GULP1: variants seen among roughly 807,000 people sequenced by gnomAD.
GULP1 encodes the protein GULP PTB domain containing engulfment adaptor 1, also known as PTB domain-containing engulfment adapter protein 1.
In GULP1, 19 loss-of-function variants were observed where a neutral mutation model predicts 40.9. That is an observed-to-expected ratio of 0.46 (90% CI 0.32 to 0.68). The LOEUF (loss-of-function observed/expected upper bound fraction) is 0.68. Among genes scored for constraint, GULP1 ranks in the 30% least tolerant of loss-of-function variants. GULP1 has a pLI of 0.03. For missense variants in GULP1, 312 were observed against 362.2 expected, an observed-to-expected ratio of 0.86 and a Z score of 1.12; for synonymous variants, 119 against 117.6, an observed-to-expected ratio of 1.01 and a Z score of -0.08.
chr2:188,371,059 T>G (rs1355502782), intron 1 of GULP1, among the ~76,000 whole-genome samples: 2 of 152,184 alleles, frequency 1.3e-5, no homozygotes, highest in African/African-American at 2.4e-5. Flanking sequence ...AGACATACAG[T>G]AAGTCCGTGG....
intron 2 of GULP1, among the ~76,000 whole-genome samples, chr2:188,409,822 A>G (rs776627941): frequency 2.6e-5 from 4 of 152,220 alleles, no homozygotes; most frequent in Non-Finnish European, 4.4e-5. Context: ...GCATGTAATA[A>G]TGTAATATAA....
chr2:188,432,909 A>T (rs1411208023), intron 2 of GULP1, among the ~76,000 whole-genome samples: 1 of 152,088 alleles, frequency 6.6e-6, no homozygotes, highest in Non-Finnish European at 1.5e-5. Flanking sequence ...AAACACAAAG[A>T]TCATATTGCT....
At chr2:188,358,603 T>C (rs1472472106) in intron 1 of GULP1, among the ~76,000 whole-genome samples, 4 of 152,064 alleles carry the variant, frequency 2.6e-5, no homozygotes, top group African/African-American at 9.7e-5. Context: ...AATAGCACAT[T>C]GCACCCCATA....
chr2:188,407,972 A>G (rs1391246784), intron 2 of GULP1, among the ~76,000 whole-genome samples: 1 of 152,246 alleles, frequency 6.6e-6, no homozygotes, highest in East Asian at 1.9e-4. Context: ...GTAAATGGAA[A>G]CCAAAAGAGA....
At chr2:188,442,305 G>T (rs964688063) in intron 2 of GULP1, among the ~76,000 whole-genome samples, 1 of 152,016 alleles carries the variant, frequency 6.6e-6, no homozygotes, top group Non-Finnish European at 1.5e-5. Flanking sequence ...TTTTAGTCAC[G>T]CCAGTAAATG....
chr2:188,399,176 A>T (rs2152613034), intron 2 of GULP1, among the ~76,000 whole-genome samples: 1 of 152,328 alleles, frequency 6.6e-6, no homozygotes, highest in African/African-American at 2.4e-5. Context: ...GAAAGGATAT[A>T]ACTTAGCACA....
intron 2 of GULP1, among the ~76,000 whole-genome samples, chr2:188,399,447 G>A (rs1164691784): frequency 2.0e-5 from 3 of 152,058 alleles, no homozygotes; most frequent in African/African-American, 7.2e-5. Context: ...TACTAGGAGA[G>A]AGTAGGTCCC....
At chr2:188,371,213 G>A (rs1008651434) in intron 1 of GULP1, among the ~76,000 whole-genome samples, 3 of 151,866 alleles carry the variant, frequency 2.0e-5, no homozygotes, top group South Asian at 4.2e-4. Flanking sequence ...TCTGAAGCAG[G>A]GTTTCTTGGC....
intron 2 of GULP1, among the ~76,000 whole-genome samples, chr2:188,398,766 A>C (rs905585527): frequency 3.9e-5 from 6 of 152,212 alleles, no homozygotes; most frequent in African/African-American, 7.2e-5. Flanking sequence ...AAAATGGCTT[A>C]ATTTGCTTTT....
At chr2:188,296,676 T>A (rs2035022338) in intron 1 of GULP1, among the ~76,000 whole-genome samples, 1 of 152,124 alleles carries the variant, frequency 6.6e-6, no homozygotes, top group Admixed American at 6.5e-5. Context: ...TTGTGCTAAA[T>A]TGCAAAGATT....
intron 2 of GULP1, among the ~76,000 whole-genome samples, chr2:188,429,872 G>A (rs1237140044): frequency 2.0e-5 from 3 of 151,892 alleles, no homozygotes; most frequent in African/African-American, 4.8e-5. Context: ...CACCATGCCC[G>A]GCTAATTTTT....
At chr2:188,316,865 A>G (rs1456809812) in intron 1 of GULP1, among the ~76,000 whole-genome samples, 2 of 152,172 alleles carry the variant, frequency 1.3e-5, no homozygotes, top group African/African-American at 4.8e-5. Context: ...AGTGCCAGGC[A>G]TGATAGGCTT....
chr2:188,402,676 A>G (rs566249907), intron 2 of GULP1, among the ~76,000 whole-genome samples: 11 of 152,188 alleles, frequency 7.2e-5, no homozygotes, highest in African/African-American at 2.6e-4. Flanking sequence ...AGTTAGGAGT[A>G]CAAACTTGGC....
intron 4 of GULP1, chr2:188,491,411 T>C (rs1471895831): frequency 1.3e-5 from 2 of 152,070 alleles, no homozygotes. Flanking sequence ...ATGTTTTTTT[T>C]GTTTTGTTTT....
chr2:188,449,550 A>G (rs1216880472), intron 2 of GULP1, among the ~76,000 whole-genome samples: 2 of 152,220 alleles, frequency 1.3e-5, no homozygotes, highest in African/African-American at 4.8e-5. Flanking sequence ...ATCAGGATAC[A>G]GATGGCATGA....
intron 9 of GULP1, among the ~76,000 whole-genome samples, chr2:188,576,698 C>T (rs1299630612): frequency 6.6e-6 from 1 of 152,082 alleles, no homozygotes; most frequent in Non-Finnish European, 1.5e-5. Context: ...CTGCATCACA[C>T]TGAAATTGTG....
chr2:188,512,926 T>C (rs2064744373), intron 4 of GULP1, among the ~76,000 whole-genome samples: 1 of 152,128 alleles, frequency 6.6e-6, no homozygotes, highest in African/African-American at 2.4e-5. Context: ...CATATCTTAC[T>C]AGCATTTTAA....
At chr2:188,593,878 A>G (rs1704074274) in intron 11 of GULP1, 62 bp from the exon 12 acceptor site, 1 of 904,454 alleles carries the variant, frequency 1.1e-6, no homozygotes, top group Admixed American at 1.9e-5. Flanking sequence ...AGTCTTTTTT[A>G]TTCACTGATT....
At chr2:188,537,155 T>C (rs1409110956) in intron 6 of GULP1, among the ~76,000 whole-genome samples, 1 of 152,076 alleles carries the variant, frequency 6.6e-6, no homozygotes, top group Non-Finnish European at 1.5e-5. Context: ...ACTTATTATT[T>C]TTTTATTTTG....
Sources: gnomAD v4.1 joint callset for allele counts (sites outside exome capture counted in the v4.1 genomes callset) on GRCh38, gnomAD v4.1.1 for gene constraint, MANE v1.5 for transcripts, NCBI Gene and HGNC (gene_info 2026-07-23, HGNC 2026-07-21) for gene names.